The following MACROD2 variants were observed in gnomAD, a reference collection of about 807,000 sequenced individuals.
MACROD2 encodes mono-ADP ribosylhydrolase 2, also known as ADP-ribose glycohydrolase MACROD2.
Under a neutral mutation model 70.4 loss-of-function variants are expected in MACROD2, and 36 were observed. That is an observed-to-expected ratio of 0.51 (90% CI 0.39 to 0.68). The LOEUF (loss-of-function observed/expected upper bound fraction) is 0.68, where lower values mean the gene tolerates loss of function less well. Among genes scored for constraint, MACROD2 ranks in the 30% least tolerant of loss-of-function variants. MACROD2 has a pLI of 0.00. For missense variants in MACROD2, 496 were observed against 538.4 expected, an observed-to-expected ratio of 0.92 and a Z score of 0.78; for synonymous variants, 172 against 178.8, an observed-to-expected ratio of 0.96 and a Z score of 0.30.
chr20:15,820,305 C>T (rs1373895010), intron 8 of MACROD2, among the ~76,000 whole-genome samples: 1 of 152,148 alleles, frequency 6.6e-6, no homozygotes, highest in Non-Finnish European at 1.5e-5. Flanking sequence ...GTCCTCCCGC[C>T]TCAGCCCCTT....
At chr20:14,471,158 T>C (rs537185571) in intron 3 of MACROD2, among the ~76,000 whole-genome samples, 39 of 152,274 alleles carry the variant, frequency 2.6e-4, no homozygotes, top group African/African-American at 8.9e-4. Flanking sequence ...CCCTGTGGGC[T>C]TCCCTTGGCT....
At position 15,466,910 on chromosome 20, in the gene MACROD2, A is replaced by G. The variant is rs141818824; in HGVS notation, c.572-32864A>G. On this transcript the variant is annotated intron_variant, in intron 7 of 17. Coordinates refer to ENST00000684519, the MANE Select transcript of MACROD2 (RefSeq NM_001351661.2). ...TTACTCCTGAGGAGGAACATTCCTTAGAGGCCCAGCAAGTCTTTATAGATG... is the reference window on the plus strand; with the variant it reads ...TTACTCCTGAGGAGGAACATTCCTTGGAGGCCCAGCAAGTCTTTATAGATG... 3.0e-3 allele frequency among the ~76,000 whole-genome samples: 463 copies of G among 152,334 alleles called. 13 individuals are homozygous for G. Among genetic ancestry groups the G allele is most frequent in the Admixed American group, 0.026 (393 of 15,292 alleles).
At chr20:14,759,522 G>A (rs7261331) in intron 5 of MACROD2, among the ~76,000 whole-genome samples, 1,986 of 152,040 alleles carry the variant, frequency 0.013, 47 homozygotes, top group African/African-American at 0.046. Context: ...AGAATGCAGA[G>A]TTCATTTTCA....
intron 4 of MACROD2, among the ~76,000 whole-genome samples, chr20:14,551,910 G>A (rs1377323666): frequency 1.3e-5 from 2 of 152,070 alleles, no homozygotes; most frequent in Non-Finnish European, 2.9e-5. Context: ...GAATATGTCT[G>A]TAGTTATTTT....
intron 3 of MACROD2, among the ~76,000 whole-genome samples, chr20:14,161,164 C>T (rs1206845601): frequency 6.6e-6 from 1 of 151,010 alleles, no homozygotes; most frequent in African/African-American, 2.4e-5. Flanking sequence ...CTGCAAAGGA[C>T]ATGATTTCAT....
chr20:14,874,950 C>T (rs1303057817), intron 5 of MACROD2, among the ~76,000 whole-genome samples: 1 of 151,842 alleles, frequency 6.6e-6, no homozygotes, highest in East Asian at 2.0e-4. Context: ...TATGATCTGC[C>T]TGCCTTGGCC....
At chr20:15,239,389 A>G (rs981023090) in intron 6 of MACROD2, among the ~76,000 whole-genome samples, 2 of 152,062 alleles carry the variant, frequency 1.3e-5, no homozygotes, top group Non-Finnish European at 2.9e-5. Flanking sequence ...TTTTTAATGG[A>G]AAACATGTCA....
intron 5 of MACROD2, among the ~76,000 whole-genome samples, chr20:14,687,914 A>G (rs2071020730): frequency 6.6e-6 from 1 of 152,212 alleles, no homozygotes; most frequent in South Asian, 2.1e-4. Context: ...GCCACTTTAT[A>G]ATATTTCACA....
chr20:14,944,284 T>G (rs987148320), intron 5 of MACROD2, among the ~76,000 whole-genome samples: 8 of 152,258 alleles, frequency 5.3e-5, no homozygotes, highest in African/African-American at 1.4e-4. Flanking sequence ...AAACTGGGCG[T>G]GCAACCCAGT....
intron 15 of MACROD2, among the ~76,000 whole-genome samples, chr20:15,995,577 C>T (rs888994307): frequency 3.3e-5 from 5 of 149,342 alleles, no homozygotes; most frequent in African/African-American, 1.2e-4. Flanking sequence ...GTCTCGATCT[C>T]CTGACCTCAT....
At chr20:14,108,127 T>C (rs2054396396) in intron 3 of MACROD2, among the ~76,000 whole-genome samples, 2 of 152,030 alleles carry the variant, frequency 1.3e-5, no homozygotes, top group African/African-American at 4.8e-5. Flanking sequence ...GGGATGAAGT[T>C]AAGGTACATG....
At chr20:15,147,781 G>A (rs866905230) in intron 5 of MACROD2, among the ~76,000 whole-genome samples, 33 of 152,066 alleles carry the variant, frequency 2.2e-4, no homozygotes, top group Admixed American at 6.6e-4. Context: ...GGCGGGCTGA[G>A]TCTGAAAAGA....
chr20:14,267,192 C>T lies in MACROD2; in HGVS notation c.271+181464C>T, dbSNP rs544052079. On this transcript the variant is annotated intron_variant, in intron 3 of 17. Coordinates refer to ENST00000684519, the MANE Select transcript of MACROD2 (RefSeq NM_001351661.2). ...TCGGAAGGAAGCTAATAGTTCCTTA[C>T]GATTTCCTAGGGAAATTGCTTTAAA... Among the ~76,000 whole-genome samples the T allele has an allele frequency of 3.9e-5, 6 of 152,146 alleles. 1 individual carries two copies. In the South Asian group the frequency reaches 1.0e-3, roughly 26 times the overall value.
intron 3 of MACROD2, among the ~76,000 whole-genome samples, chr20:14,387,577 C>T (rs573266433): frequency 3.9e-5 from 6 of 152,264 alleles, no homozygotes; most frequent in Non-Finnish European, 7.4e-5. Context: ...GCTTCTGTGC[C>T]GGTTTCTCAA....
At chr20:14,915,544 C>T (rs980114106) in intron 5 of MACROD2, among the ~76,000 whole-genome samples, 4 of 152,124 alleles carry the variant, frequency 2.6e-5, no homozygotes, top group African/African-American at 4.8e-5. Context: ...TTAAATGGAA[C>T]TCTGGTTTCA....
Position 14,240,896 on chromosome 20 carries a change from C to T in MACROD2, c.271+155168C>T, listed in dbSNP as rs138980833. 1.8e-3 allele frequency among the ~76,000 whole-genome samples: 279 copies of T among 152,194 alleles called. 1 individual carries two copies. The highest frequency in any genetic ancestry group is 6.8e-3 in the Middle Eastern group (2 of 294). On this transcript the variant is annotated intron_variant, in intron 3 of 17. Transcript: ENST00000684519. ...CTGTAATCTCAGCACTTTGGGAGGC[C>T]GAGGTGGGTGGATCATGAGGTCAGG...
In MACROD2 at chr20:14,013,865, TAGAG is replaced by T. The variant is rs563457015; in HGVS notation, c.163+11463_163+11466del. Among the ~76,000 whole-genome samples the T allele has an allele frequency of 4.4e-3, 661 of 151,922 alleles. 4 individuals are homozygous for T. Among genetic ancestry groups the T allele is most frequent in the African/African-American group, 0.015 (630 of 41,432 alleles). Reference sequence around the variant, plus strand: ...GCCCAGCTAATTTTTTATATTTTAGTAGAGATGGGTTTCACGATGTTGGCCAGGC... The same window carrying T: ...GCCCAGCTAATTTTTTATATTTTAGTATGGGTTTCACGATGTTGGCCAGGC... On this transcript the variant is annotated intron_variant, in intron 2 of 17. Coordinates refer to ENST00000684519, the MANE Select transcript of MACROD2 (RefSeq NM_001351661.2).
At chr20:14,417,189 C>T (rs542439691) in intron 3 of MACROD2, among the ~76,000 whole-genome samples, 40 of 151,868 alleles carry the variant, frequency 2.6e-4, no homozygotes, top group African/African-American at 9.7e-4. Flanking sequence ...CCTCTGAGTT[C>T]CCTGTTTTAG....
intron 3 of MACROD2, chr20:14,327,033 C>T (rs1045861157): frequency 4.1e-5 from 66 of 1,613,604 alleles, no homozygotes; most frequent in Non-Finnish European, 5.5e-5. Context: ...ACAGGAAAAG[C>T]AGTCGGAGAT....
Sources: gnomAD v4.1 joint callset for allele counts (sites outside exome capture counted in the v4.1 genomes callset) on GRCh38, gnomAD v4.1.1 for gene constraint, MANE v1.5 for transcripts, NCBI Gene and HGNC (gene_info 2026-07-23, HGNC 2026-07-21) for gene names.